The following FGF14 variants were observed in gnomAD, a reference collection of about 807,000 sequenced individuals.
The protein encoded by FGF14 is fibroblast growth factor 14.
In FGF14, 5 loss-of-function variants were observed where a neutral mutation model predicts 25.5. The observed-to-expected ratio is 0.20, with a 90% CI of 0.10 to 0.41. FGF14 has a LOEUF of 0.41. FGF14 is among the 10% of genes least tolerant of loss of function. The pLI is 1.00. For synonymous variants in FGF14, 138 were observed against 118.3 expected (o/e 1.17, Z -1.08); for missense variants, 222 against 320.1 (o/e 0.69, Z 2.34).
chr13:101,747,075 A>G (rs1045701420), intron 3 of FGF14, among the ~76,000 whole-genome samples: 29 of 152,090 alleles, frequency 1.9e-4, no homozygotes, highest in African/African-American at 6.3e-4. Flanking sequence ...GTGGCAGGAA[A>G]GTGGTATGTT....
intron 3 of FGF14, among the ~76,000 whole-genome samples, chr13:101,815,554 T>G (rs1301424396): frequency 6.6e-6 from 1 of 152,164 alleles, no homozygotes; most frequent in African/African-American, 2.4e-5. Context: ...TTGGAGTTAC[T>G]TTGGCAAAAG....
At chr13:101,824,188 T>C (rs2042295077) in intron 3 of FGF14, among the ~76,000 whole-genome samples, 1 of 152,222 alleles carries the variant, frequency 6.6e-6, no homozygotes, top group South Asian at 2.1e-4. Context: ...TTTCTTTTTT[T>C]CTTCAGGATT....
At chr13:102,117,431 C>T (rs2045524356) in intron 1 of FGF14, among the ~76,000 whole-genome samples, 1 of 152,168 alleles carries the variant, frequency 6.6e-6, no homozygotes, top group South Asian at 2.1e-4. Flanking sequence ...ATTCACAATC[C>T]TAAGTTTATT....
chr13:102,215,087 G>T (rs2050315124), intron 1 of FGF14, among the ~76,000 whole-genome samples: 1 of 152,116 alleles, frequency 6.6e-6, no homozygotes, highest in African/African-American at 2.4e-5. Flanking sequence ...ACTCTTCTAG[G>T]AAAATTAAGT....
chr13:102,039,088 C>A (rs1009395642), intron 1 of FGF14, among the ~76,000 whole-genome samples: 2 of 152,094 alleles, frequency 1.3e-5, no homozygotes, highest in African/African-American at 4.8e-5. Context: ...ACAGCCAGGT[C>A]CCTTAGTGGG....
chr13:101,741,079 T>C (rs563214835), intron 3 of FGF14, among the ~76,000 whole-genome samples: 1 of 152,200 alleles, frequency 6.6e-6, no homozygotes, highest in Non-Finnish European at 1.5e-5. Context: ...AGGCAACCTG[T>C]AATCCCAGCA....
intron 3 of FGF14, among the ~76,000 whole-genome samples, chr13:101,752,816 T>A (rs182815116): frequency 6.6e-6 from 1 of 152,274 alleles, no homozygotes; most frequent in Non-Finnish European, 1.5e-5. Context: ...GCATCCCAAG[T>A]AGGCTAGAAG....
At chr13:102,386,936 G>C (rs1051381904) in intron 1 of FGF14, among the ~76,000 whole-genome samples, 4 of 152,170 alleles carry the variant, frequency 2.6e-5, no homozygotes, top group Non-Finnish European at 5.9e-5. Flanking sequence ...CCACTAAAAT[G>C]ACAGAATTCA....
chr13:102,086,957 C>T (rs1350343890), intron 1 of FGF14, among the ~76,000 whole-genome samples: 1 of 152,134 alleles, frequency 6.6e-6, no homozygotes, highest in Admixed American at 6.5e-5. Flanking sequence ...CACAGCATTC[C>T]CCACAAACTG....
chr13:101,765,915 G>T (rs1202982993), intron 3 of FGF14, among the ~76,000 whole-genome samples: 1 of 151,954 alleles, frequency 6.6e-6, no homozygotes, highest in African/African-American at 2.4e-5. Context: ...TTTTAGTAGA[G>T]ACGGGGTTTT....
intron 1 of FGF14, among the ~76,000 whole-genome samples, chr13:102,107,493 A>G (rs552376848): frequency 6.6e-6 from 1 of 152,300 alleles, no homozygotes; most frequent in African/African-American, 2.4e-5. Context: ...GAGATATTCA[A>G]AGGTGAAAAA....
At chr13:101,772,749 C>A (rs979440899) in intron 3 of FGF14, among the ~76,000 whole-genome samples, 8 of 152,056 alleles carry the variant, frequency 5.3e-5, no homozygotes, top group African/African-American at 1.9e-4. Flanking sequence ...TTCTGGCGTT[C>A]TGTTAAGGTT....
At chr13:101,828,036 T>C (rs1449036575) in intron 3 of FGF14, among the ~76,000 whole-genome samples, 2 of 151,932 alleles carry the variant, frequency 1.3e-5, no homozygotes, top group East Asian at 1.9e-4. Context: ...TCTACTACTT[T>C]AATCTCCCAA....
chr13:101,860,350 C>A (rs990802335), intron 3 of FGF14, among the ~76,000 whole-genome samples: 1 of 151,960 alleles, frequency 6.6e-6, no homozygotes, highest in African/African-American at 2.4e-5. Context: ...CCCCAAAGGC[C>A]AACTCATCTG....
At chr13:101,828,863 A>G (rs140995611) in intron 3 of FGF14, among the ~76,000 whole-genome samples, 1 of 152,222 alleles carries the variant, frequency 6.6e-6, no homozygotes, top group East Asian at 1.9e-4. Flanking sequence ...ATGGAAGGCA[A>G]AGAGAACTAG....
At chr13:102,075,213 T>G (rs1297334851) in intron 1 of FGF14, among the ~76,000 whole-genome samples, 2 of 152,198 alleles carry the variant, frequency 1.3e-5, no homozygotes, top group Non-Finnish European at 2.9e-5. Context: ...AACTAATAAT[T>G]TGGTATAATT....
chr13:102,084,018 C>T (rs2043768017), intron 1 of FGF14, among the ~76,000 whole-genome samples: 1 of 152,038 alleles, frequency 6.6e-6, no homozygotes, highest in South Asian at 2.1e-4. Flanking sequence ...CTCTACTTTT[C>T]TCTCTTGTAA....
rs559388198 is a variant in FGF14, at chr13:102,257,374, C to A, written c.208+144097G>T. Reference sequence around the variant, plus strand: ...TTTTTTTTTTTTTTTTTTTTCGAGACGGAGTTTCACTCTATCACCCAGGCT... The same window carrying A: ...TTTTTTTTTTTTTTTTTTTTCGAGAAGGAGTTTCACTCTATCACCCAGGCT... On this transcript the variant is annotated intron_variant, in intron 1 of 4. Transcript: ENST00000376131. 7.3e-5 allele frequency among the ~76,000 whole-genome samples: 3 copies of A among 41,260 alleles called. No homozygotes were observed. In the South Asian group the frequency reaches 2.4e-3, roughly 33 times the overall value. 27.1% of individuals were successfully genotyped at this position (41,260 alleles called of 152,430 possible).
chr13:102,043,072 T>C (rs1364857724), intron 1 of FGF14, among the ~76,000 whole-genome samples: 1 of 152,204 alleles, frequency 6.6e-6, no homozygotes, highest in African/African-American at 2.4e-5. Context: ...ATATTTATCT[T>C]TGCATTCTAG....
Sources: allele counts gnomAD v4.1 joint callset (sites outside exome capture counted in the v4.1 genomes callset), GRCh38; gene constraint gnomAD v4.1.1; transcripts MANE v1.5; gene names NCBI Gene and HGNC (gene_info 2026-07-23, HGNC 2026-07-21).